The following PLPP3 variants were observed in gnomAD, a reference collection of about 807,000 sequenced individuals.
PLPP3 encodes phospholipid phosphatase 3.
In PLPP3, 6 loss-of-function variants were observed where a neutral mutation model predicts 29.6. That is an observed-to-expected ratio of 0.20 (90% CI 0.11 to 0.40). The LOEUF (loss-of-function observed/expected upper bound fraction) is 0.40, where lower values mean the gene tolerates loss of function less well. PLPP3 is among the 10% of genes least tolerant of loss of function. The pLI, the probability that PLPP3 is intolerant of heterozygous loss-of-function variation, is 1.00. For synonymous variants in PLPP3, 152 were observed against 159.7 expected (o/e 0.95, Z 0.36); for missense variants, 308 against 407.7 (o/e 0.76, Z 2.11).
At chr1:56,551,187 C>T (rs1191312503) in intron 1 of PLPP3, among the ~76,000 whole-genome samples, 1 of 152,146 alleles carries the variant, frequency 6.6e-6, no homozygotes, top group African/African-American at 2.4e-5. Flanking sequence ...ACACAGGTAT[C>T]CTTGCGCACA....
intron 1 of PLPP3, among the ~76,000 whole-genome samples, chr1:56,555,442 A>AAC (rs1569591837): frequency 6.8e-6 from 1 of 147,348 alleles, no homozygotes; most frequent in Non-Finnish European, 1.5e-5. Context: ...CTAAAAAAAA[A>AAC]AAAAAAAAAA....
At chr1:56,555,636 T>C (rs975646923) in intron 1 of PLPP3, among the ~76,000 whole-genome samples, 1 of 151,952 alleles carries the variant, frequency 6.6e-6, no homozygotes, top group East Asian at 1.9e-4. Flanking sequence ...ATGGAACAAT[T>C]TGTGAAACAT....
In PLPP3 at chr1:56,570,888, G is replaced by GA. The variant is rs760115677; in HGVS notation, c.139+7989dup. ...TGATCTTGGTAATAAGTACTTTCCT[G>GA]AAAAAATACCAGTTTGAAGAAAAGT... On this transcript the variant is annotated intron_variant, in intron 1 of 5. Coordinates refer to ENST00000371250, the MANE Select transcript of PLPP3 (RefSeq NM_003713.5). Among the ~76,000 whole-genome samples, 13 of 152,140 alleles carry GA rather than the reference G, an allele frequency of 8.5e-5. No individual in the cohort carries two copies. In the East Asian group the frequency reaches 9.6e-4, roughly 11 times the overall value.
intron 2 of PLPP3, among the ~76,000 whole-genome samples, chr1:56,535,887 C>T (rs1487782070): frequency 6.6e-6 from 1 of 152,196 alleles, no homozygotes; most frequent in African/African-American, 2.4e-5. Context: ...ATTCTTACAG[C>T]AATCCTCTTG....
At chr1:56,566,100 G>A (rs574546621) in intron 1 of PLPP3, among the ~76,000 whole-genome samples, 2 of 152,332 alleles carry the variant, frequency 1.3e-5, no homozygotes, top group African/African-American at 2.4e-5. Flanking sequence ...ACTGGTGAAA[G>A]TTCAGTATGC....
At chr1:56,550,239 A>T (rs1646029145) in intron 1 of PLPP3, among the ~76,000 whole-genome samples, 1 of 152,168 alleles carries the variant, frequency 6.6e-6, no homozygotes, top group African/African-American at 2.4e-5. Context: ...GAATGGGAAT[A>T]ACAAAATGTA....
At chr1:56,570,795 CTT>C (rs1557517530) in intron 1 of PLPP3, among the ~76,000 whole-genome samples, 3 of 152,016 alleles carry the variant, frequency 2.0e-5, no homozygotes, top group African/African-American at 4.8e-5. Context: ...CATGGAGTCT[CTT>C]TTTTCTCCCC....
At chr1:56,576,250 C>G (rs1165074968) in intron 1 of PLPP3, among the ~76,000 whole-genome samples, 1 of 151,768 alleles carries the variant, frequency 6.6e-6, no homozygotes, top group Non-Finnish European at 1.5e-5. Flanking sequence ...AGAGAATAAA[C>G]AGAAAACTGT....
chr1:56,559,692 A>C (rs369160079), intron 1 of PLPP3, among the ~76,000 whole-genome samples: 2 of 152,006 alleles, frequency 1.3e-5, no homozygotes, highest in Non-Finnish European at 2.9e-5. Context: ...GTGTAAAGGG[A>C]TGCTTTAAAC....
At chr1:56,557,530 A>G (rs1480959947) in intron 1 of PLPP3, among the ~76,000 whole-genome samples, 3 of 152,230 alleles carry the variant, frequency 2.0e-5, no homozygotes, top group African/African-American at 7.2e-5. Flanking sequence ...CCTGGCATAC[A>G]GTAGGCAGTT....
intron 5 of PLPP3, 53 bp downstream of exon 5, chr1:56,511,923 A>G: frequency 1.2e-6 from 2 of 1,600,016 alleles, no homozygotes; most frequent in Non-Finnish European, 1.7e-6. Context: ...GAAACATTTA[A>G]CAAGCAACAG....
At chr1:56,561,465 C>T (rs1646127766) in intron 1 of PLPP3, among the ~76,000 whole-genome samples, 1 of 152,010 alleles carries the variant, frequency 6.6e-6, no homozygotes, top group East Asian at 1.9e-4. Flanking sequence ...GCCTTAAGCA[C>T]CCAGTGTTTA....
chr1:56,513,245 A>T (rs568771045), intron 4 of PLPP3: 1 of 152,656 alleles, frequency 6.6e-6, no homozygotes, highest in Non-Finnish European at 1.5e-5. Flanking sequence ...AATGACGTCA[A>T]CTGGGCATTG....
chr1:56,532,805 A>G (rs188482737), intron 2 of PLPP3, among the ~76,000 whole-genome samples: 13 of 152,250 alleles, frequency 8.5e-5, no homozygotes, highest in Non-Finnish European at 1.9e-4. Context: ...ATACCAAATC[A>G]AATCAGATCT....
At chr1:56,531,550 C>G (rs1365264688) in intron 2 of PLPP3, among the ~76,000 whole-genome samples, 1 of 152,230 alleles carries the variant, frequency 6.6e-6, no homozygotes, top group Non-Finnish European at 1.5e-5. Flanking sequence ...GGGCAGTCAT[C>G]TGCCCAGTGG....
chr1:56,519,410 G>C (rs530236875), intron 4 of PLPP3, among the ~76,000 whole-genome samples: 2 of 152,258 alleles, frequency 1.3e-5, no homozygotes, highest in African/African-American at 2.4e-5. Context: ...ATTGTGTACT[G>C]TTTCTCTAGA....
intron 1 of PLPP3, among the ~76,000 whole-genome samples, chr1:56,568,222 T>C (rs1011951016): frequency 6.6e-6 from 1 of 152,030 alleles, no homozygotes; most frequent in African/African-American, 2.4e-5. Flanking sequence ...GTTGTGGTGA[T>C]AGTTTACCTA....
intron 5 of PLPP3, among the ~76,000 whole-genome samples, chr1:56,502,008 G>A (rs988393539): frequency 2.0e-5 from 3 of 152,182 alleles, no homozygotes; most frequent in Admixed American, 6.5e-5. Flanking sequence ...TTCACACTCC[G>A]GAAATGTCAG....
At chr1:56,518,555 C>T (rs946474315) in intron 4 of PLPP3, among the ~76,000 whole-genome samples, 1 of 151,998 alleles carries the variant, frequency 6.6e-6, no homozygotes, top group African/African-American at 2.4e-5. Context: ...GCGGATGGCC[C>T]GAGTGTCAGA....
Sources: allele counts gnomAD v4.1 joint callset (sites outside exome capture counted in the v4.1 genomes callset), GRCh38; gene constraint gnomAD v4.1.1; transcripts MANE v1.5; gene names NCBI Gene and HGNC (gene_info 2026-07-23, HGNC 2026-07-21).